Variants in MAGI1 observed in about 807,000 individuals in gnomAD.
MAGI1 encodes membrane associated guanylate kinase, WW and PDZ domain containing 1.
Under a neutral mutation model 139.9 loss-of-function variants are expected in MAGI1, and 58 were observed. The ratio of observed to expected loss-of-function variants is 0.41; its 90% confidence interval spans 0.34 to 0.52. MAGI1 has a LOEUF of 0.52. Ranked by LOEUF, MAGI1 falls within the 20% of genes least tolerant of loss-of-function variation. The pLI is 0.12. For missense variants in MAGI1, 1,874 were observed against 1,901.6 expected, an observed-to-expected ratio of 0.99 and a Z score of 0.27; for synonymous variants, 812 against 737.9, an observed-to-expected ratio of 1.10 and a Z score of -1.63.
At chr3:65,612,365 T>C (rs531255746) in intron 2 of MAGI1, among the ~76,000 whole-genome samples, 40 of 152,172 alleles carry the variant, frequency 2.6e-4, no homozygotes, top group African/African-American at 8.9e-4. Context: ...CTCCCACACA[T>C]AATATATTTG....
chr3:65,507,622 A>G (rs1403602395), intron 2 of MAGI1, among the ~76,000 whole-genome samples: 1 of 152,230 alleles, frequency 6.6e-6, no homozygotes, highest in Non-Finnish European at 1.5e-5. Context: ...AATGTTTGCC[A>G]ACGATCTCTA....
At chr3:65,470,519 GAGAGAA>G in intron 4 of MAGI1, 35 bp from the exon 5 acceptor site, 2 of 1,307,070 alleles carry the variant, frequency 1.5e-6, no homozygotes, top group Non-Finnish European at 1.0e-6. Context: ...GAGAGAGAGA[GAGAGAA>G]AAAAAAAAAA....
At chr3:65,974,840 G>A (rs2107214628) in intron 1 of MAGI1, among the ~76,000 whole-genome samples, 1 of 152,332 alleles carries the variant, frequency 6.6e-6, no homozygotes, top group South Asian at 2.1e-4. Flanking sequence ...TATCCTGGAA[G>A]TGAAACGCCA....
intron 1 of MAGI1, among the ~76,000 whole-genome samples, chr3:65,717,236 A>G (rs1340959347): frequency 6.6e-6 from 1 of 152,172 alleles, no homozygotes; most frequent in East Asian, 1.9e-4. Context: ...CTTCAAACCC[A>G]GTTAGACTCA....
At chr3:65,880,251 A>G (rs1575821524) in intron 1 of MAGI1, among the ~76,000 whole-genome samples, 3 of 151,938 alleles carry the variant, frequency 2.0e-5, no homozygotes. Context: ...CAAGAAAGAA[A>G]AAAAAAAATA....
chr3:65,789,165 T>C (rs996607549), intron 1 of MAGI1, among the ~76,000 whole-genome samples: 3 of 151,428 alleles, frequency 2.0e-5, no homozygotes, highest in Non-Finnish European at 4.4e-5. Flanking sequence ...TGGGTGGGAG[T>C]AAAACTCTAT....
rs1553654934 is a variant in MAGI1 at position 65,501,475 on chromosome 3, A to AAAAAT, written c.431-7845_431-7844insATTTT. Among the ~76,000 whole-genome samples the AAAAAT allele has an allele frequency of 4.9e-3, 740 of 150,016 alleles. 10 individuals are homozygous for AAAAAT. Among genetic ancestry groups the AAAAAT allele is most frequent in the African/African-American group, 0.017 (692 of 40,180 alleles). On this transcript the variant is annotated intron_variant, in intron 2 of 22. Transcript: ENST00000402939. ...TCTCAAAAAAAAAAAAAAAAAAAAA[A>AAAAAT]TTTAAACATATTTGGGTAAAAAGTA...
intron 1 of MAGI1, among the ~76,000 whole-genome samples, chr3:66,008,062 A>T (rs2067125561): frequency 6.6e-6 from 1 of 151,734 alleles, no homozygotes. Flanking sequence ...ATGCCCAGCT[A>T]ATTTGTGTAT....
chr3:65,383,408 C>G, intron 15 of MAGI1, 124 bp downstream of exon 15: 1 of 704,620 alleles, frequency 1.4e-6, no homozygotes, highest in Non-Finnish European at 2.5e-6. Flanking sequence ...ACCCACACTA[C>G]TCAAGATTAA....
rs752983335 is a variant in MAGI1, at chr3:65,356,618, G to A, written c.4149C>T (p.Ser1383=). 1.5e-5 allele frequency: 24 copies of A among 1,593,406 alleles called. No homozygotes were observed. In the Middle Eastern group the frequency reaches 5.1e-4, roughly 34 times the overall value. The change falls in exon 23 of 23, where the codon TCC becomes TCT. Residue 1383 remains serine (S), a synonymous_variant. Transcript: ENST00000402939. ...SLERLLEQRR[S]PERRRGGSPE... ...GCGAGCCCCCTCTCCTGCGCTCGGG[G>A]GACCTCCTCTGCTCCAGGAGTCTCT...
chr3:65,973,358 G>A (rs2065100523), intron 1 of MAGI1, among the ~76,000 whole-genome samples: 1 of 151,986 alleles, frequency 6.6e-6, no homozygotes, highest in African/African-American at 2.4e-5. Context: ...ACCTTTGTAA[G>A]GGAAGTAGAA....
At chr3:65,603,979 C>A (rs1282016639) in intron 2 of MAGI1, among the ~76,000 whole-genome samples, 1 of 152,188 alleles carries the variant, frequency 6.6e-6, no homozygotes, top group Non-Finnish European at 1.5e-5. Context: ...GGAAAGGCCC[C>A]ATCTCTTACT....
chr3:65,858,665 C>A (rs1182112959), intron 1 of MAGI1, among the ~76,000 whole-genome samples: 1 of 152,150 alleles, frequency 6.6e-6, no homozygotes, highest in East Asian at 1.9e-4. Context: ...GGAAGATAGC[C>A]TTGTGACCAG....
At chr3:65,657,401 C>A (rs992408833) in intron 1 of MAGI1, among the ~76,000 whole-genome samples, 2 of 150,550 alleles carry the variant, frequency 1.3e-5, no homozygotes, top group Admixed American at 6.7e-5. Flanking sequence ...CCGAGACCAG[C>A]CTGGGCAAAA....
At chr3:65,723,557 T>G (rs1216945395) in intron 1 of MAGI1, among the ~76,000 whole-genome samples, 1 of 152,192 alleles carries the variant, frequency 6.6e-6, no homozygotes, top group Non-Finnish European at 1.5e-5. Context: ...TCCAAGTCCT[T>G]TCCCTGCTCA....
At chr3:65,836,906 A>T (rs2042842485) in intron 1 of MAGI1, among the ~76,000 whole-genome samples, 1 of 152,160 alleles carries the variant, frequency 6.6e-6, no homozygotes, top group Non-Finnish European at 1.5e-5. Context: ...CCACACCTGC[A>T]ATCATCTGCC....
intron 1 of MAGI1, among the ~76,000 whole-genome samples, chr3:65,948,275 A>G (rs1335430306): frequency 6.6e-6 from 1 of 152,196 alleles, no homozygotes; most frequent in African/African-American, 2.4e-5. Context: ...AATTGCTGCT[A>G]GCAGCAATGG....
Position 65,401,778 on chromosome 3 carries a change from C to A in MAGI1, c.2168-308G>T, listed in dbSNP as rs370572212. The stretch of plus-strand genomic sequence containing the variant: ...GGGAAATTGAACACTTGGACAGAAT[C>A]TCAAATGCTCTTCTGGATTAAGAGA... On this transcript the variant is annotated intron_variant, in intron 12 of 22. Coordinates refer to ENST00000402939, the MANE Select transcript of MAGI1 (RefSeq NM_001033057.2). The A allele has an allele frequency of 6.8e-5, 94 of 1,378,110 alleles. No homozygotes were observed. In the East Asian group the frequency reaches 1.7e-3, roughly 24 times the overall value. 85.4% of individuals were successfully genotyped at this position (1,378,110 alleles called of 1,614,324 possible).
intron 13 of MAGI1, among the ~76,000 whole-genome samples, chr3:65,393,259 T>TC (rs869119345): frequency 3.9e-5 from 6 of 151,930 alleles, no homozygotes; most frequent in African/African-American, 9.7e-5. Flanking sequence ...TTGCTTTTTT[T>TC]CCCCCCCTCT....
Sources: allele counts gnomAD v4.1 joint callset (sites outside exome capture counted in the v4.1 genomes callset), GRCh38; gene constraint gnomAD v4.1.1; transcripts MANE v1.5; gene names NCBI Gene and HGNC (gene_info 2026-07-23, HGNC 2026-07-21).